Variants in DNAH12 observed in about 807,000 individuals in gnomAD.
DNAH12 encodes dynein axonemal heavy chain 12.
DNAH12 carries 285 observed loss-of-function variants against 371.5 expected under a neutral mutation model. The ratio of observed to expected loss-of-function variants is 0.77; its 90% CI spans 0.70 to 0.85. DNAH12 has a LOEUF of 0.85. Among genes scored for constraint, DNAH12 ranks in the 40% least tolerant of loss-of-function variants. The pLI is 0.00. For missense variants in DNAH12, 3,611 were observed against 3,689.4 expected, an observed-to-expected ratio of 0.98 and a Z score of 0.55; for synonymous variants, 1,200 against 1,213.0, an observed-to-expected ratio of 0.99 and a Z score of 0.22.
chr3:57,427,138 A>ATGTGTGTATG (rs2064798701), intron 34 of DNAH12, among the ~76,000 whole-genome samples: 1 of 138,784 alleles, frequency 7.2e-6, no homozygotes, highest in Non-Finnish European at 1.5e-5. Flanking sequence ...TAAGAAGCGA[A>ATGTGTGTATG]TGTGTGTGTG....
intron 59 of DNAH12, among the ~76,000 whole-genome samples, chr3:57,352,603 C>T (rs1186477261): frequency 6.6e-6 from 1 of 151,626 alleles, no homozygotes; most frequent in African/African-American, 2.4e-5. Flanking sequence ...CTCTATTTTC[C>T]AAATCCTAAA....
chr3:57,471,159 C>T lies in DNAH12; in HGVS notation c.1911+313G>A, dbSNP rs185482896. 6.9e-3 allele frequency among the ~76,000 whole-genome samples: 1,044 copies of T among 151,976 alleles called. 6 individuals are homozygous for T. The highest frequency in any genetic ancestry group is 8.5e-3 in the Non-Finnish European group (575 of 67,996). ...AAGAGTCAGGTCTTTGTTTGCCAGC[C>T]TGGGCAACATGGCAAAACCCCATCT... On this transcript the variant is annotated intron_variant, in intron 15 of 73. Coordinates refer to ENST00000495027, the MANE Select transcript of DNAH12 (RefSeq NM_001366028.2).
intron 2 of DNAH12, among the ~76,000 whole-genome samples, chr3:57,526,528 T>TA (rs1491146898): frequency 2.0e-5 from 2 of 101,312 alleles, no homozygotes; most frequent in African/African-American, 6.2e-5. Flanking sequence ...TTTCCAGATC[T>TA]TTTTTTTTTT....
At chr3:57,521,554 A>G (rs9842496) in intron 4 of DNAH12, among the ~76,000 whole-genome samples, 134,098 of 152,256 alleles carry the variant, frequency 0.88, 59,620 homozygotes, top group African/African-American at 0.96. Flanking sequence ...GTCTATTTCT[A>G]GGTCATCTAT....
intron 60 of DNAH12, among the ~76,000 whole-genome samples, chr3:57,339,076 C>T (rs2062320814): frequency 6.6e-6 from 1 of 152,132 alleles, no homozygotes; most frequent in African/African-American, 2.4e-5. Context: ...TATAACCTTA[C>T]CCCCAACCCC....
chr3:57,337,258 G>A (rs538124029), intron 60 of DNAH12, among the ~76,000 whole-genome samples: 2 of 152,320 alleles, frequency 1.3e-5, no homozygotes, highest in South Asian at 4.1e-4. Context: ...TGTAATCCCA[G>A]CACTTTAGGA....
chr3:57,314,872 A>AT (rs2061653852), intron 65 of DNAH12, among the ~76,000 whole-genome samples: 1 of 152,224 alleles, frequency 6.6e-6, no homozygotes, highest in Non-Finnish European at 1.5e-5. Context: ...TTAAAATGCA[A>AT]AAACGTTATC....
At chr3:57,325,178 CAGA>C (rs2061909457) in intron 62 of DNAH12, among the ~76,000 whole-genome samples, 1 of 152,224 alleles carries the variant, frequency 6.6e-6, no homozygotes, top group African/African-American at 2.4e-5. Flanking sequence ...GTAACCTCTG[CAGA>C]CTTAAATGTC....
Position 57,510,998 on chromosome 3 carries a change from A to G in DNAH12, c.280-19T>C, listed in dbSNP as rs756139678. On this transcript the variant is annotated intron_variant, in intron 4 of 73. Coordinates refer to ENST00000495027, the MANE Select transcript of DNAH12 (RefSeq NM_001366028.2). ...AGTTGAACTGAGAACATAAGAAAAA[A>G]TTAAATGTTCTGCATGGTTGTATCA... 2 of 1,565,556 alleles carry G rather than the reference A, an allele frequency of 1.3e-6. No homozygotes were observed. Among genetic ancestry groups the G allele is most frequent in the African/African-American group, 2.8e-5 (2 of 72,464 alleles).
chr3:57,530,141 T>C (rs916008999), intron 2 of DNAH12, among the ~76,000 whole-genome samples: 1 of 152,276 alleles, frequency 6.6e-6, no homozygotes, highest in Non-Finnish European at 1.5e-5. Flanking sequence ...TAAGTTCAAT[T>C]CAAATTTTTT....
At chr3:57,498,656 T>A in intron 11 of DNAH12, 1 of 694,782 alleles carries the variant, frequency 1.4e-6, no homozygotes, top group Non-Finnish European at 2.6e-6. Flanking sequence ...AAAACGTGAA[T>A]GAATAAAGAA....
At position 57,306,721 on chromosome 3, in the gene DNAH12, C is replaced by T. The variant is rs191203159; in HGVS notation, c.11189+2430G>A. ...GAGGATTAAAGTCTGTTATCACTCG[C>T]CTGCCACAGCATGGCCTTTTAAAGC... On this transcript the variant is annotated intron_variant, in intron 69 of 73. Coordinates refer to ENST00000495027, the MANE Select transcript of DNAH12 (RefSeq NM_001366028.2). Among the ~76,000 whole-genome samples the T allele has an allele frequency of 1.1e-3, 174 of 152,312 alleles. No individual in the cohort carries two copies. The East Asian group carries it at 0.014, about 12-fold the overall frequency.
intron 62 of DNAH12, among the ~76,000 whole-genome samples, chr3:57,326,120 G>C (rs1018757758): frequency 6.6e-5 from 10 of 152,192 alleles, no homozygotes; most frequent in African/African-American, 2.4e-4. Flanking sequence ...ATGGAACCAA[G>C]TTGGAAAACA....
Position 57,296,420 on chromosome 3 carries a change from T to A in DNAH12, c.11548A>T (p.Thr3850Ser). 1.3e-6 allele frequency: 2 copies of A among 1,550,836 alleles called. No homozygotes were observed. Among genetic ancestry groups the A allele is most frequent in the Non-Finnish European group, 1.7e-6 (2 of 1,146,450 alleles). The change falls in exon 72 of 74, where the codon ACA becomes TCA. Residue 3850 changes from threonine to serine, a missense_variant. Physicochemically the swap from Thr to Ser is moderately conservative, Grantham distance 58. Transcript: ENST00000495027. ...CCATCTTCTGGTGATGTGTCAGATG[T>A]ATCAGATGGGATAACCTGAAGGGAT... is the stretch of plus-strand genomic sequence containing the variant. ...GYEFEVIPSD[T>S]SDTSPEDGVY...
At chr3:57,366,126 C>T (rs2153332468) in intron 57 of DNAH12, among the ~76,000 whole-genome samples, 1 of 152,216 alleles carries the variant, frequency 6.6e-6, no homozygotes, top group East Asian at 1.9e-4. Context: ...GCTGATAAAA[C>T]AGATTACAGT....
At chr3:57,461,345 A>C (rs952775501) in intron 19 of DNAH12, 144 bp downstream of exon 19, 2 of 632,984 alleles carry the variant, frequency 3.2e-6, no homozygotes, top group Admixed American at 6.4e-5. Flanking sequence ...ATTTTATGAA[A>C]TAAAATATCA....
chr3:57,310,933 A>G lies in DNAH12; in HGVS notation c.10680T>C (p.Tyr3560=). Residue 3560 remains tyrosine, a synonymous_variant, in exon 67 of 74, where the codon TAT becomes TAC. Transcript: ENST00000495027. ...ATATAGCTTCAAATGGAATTGTATC[A>G]TATTCATTGATAAATAACTGAAGCA... is the stretch of plus-strand genomic sequence containing the variant. The part of the protein sequence containing the change: ...IRQLQLFINE[Y]DTIPFEAISY... The G allele has an allele frequency of 1.3e-6, 2 of 1,547,914 alleles. No individual in the cohort carries two copies. The highest frequency in any genetic ancestry group is 8.7e-7 in the Non-Finnish European group (1 of 1,144,536).
At chr3:57,295,212 A>G (rs1285293931) in intron 73 of DNAH12, among the ~76,000 whole-genome samples, 1 of 152,138 alleles carries the variant, frequency 6.6e-6, no homozygotes, top group Non-Finnish European at 1.5e-5. Flanking sequence ...GTGTAAAGGG[A>G]ATTCAGAATC....
chr3:57,357,814 C>T (rs1293256723), intron 58 of DNAH12, among the ~76,000 whole-genome samples: 1 of 152,086 alleles, frequency 6.6e-6, no homozygotes, highest in East Asian at 1.9e-4. Context: ...GGTGTTAACT[C>T]GTGTACTGGA....
Sources: allele counts gnomAD v4.1 joint callset (sites outside exome capture counted in the v4.1 genomes callset), GRCh38; gene constraint gnomAD v4.1.1; transcripts MANE v1.5; gene names NCBI Gene and HGNC (gene_info 2026-07-23, HGNC 2026-07-21).